Variants in PTH1R observed in about 807,000 individuals in gnomAD.
The protein encoded by PTH1R is parathyroid hormone/parathyroid hormone-related peptide receptor.
In PTH1R, 32 loss-of-function variants were observed where a neutral mutation model predicts 70.7. That is an observed-to-expected ratio of 0.45 (90% CI 0.34 to 0.61). The LOEUF (loss-of-function observed/expected upper bound fraction) is 0.61. Ranked by LOEUF, PTH1R falls within the 20% of genes least tolerant of loss-of-function variation. PTH1R has a pLI of 0.01. For synonymous variants in PTH1R, 329 were observed against 324.8 expected, an observed-to-expected ratio of 1.01 and a Z score of -0.14; for missense variants, 626 against 792.5, an observed-to-expected ratio of 0.79 and a Z score of 2.52.
chr3:46,898,562 C>A lies in PTH1R; in HGVS notation c.638+90C>A. ...GCGACCCCCTCCCTGCACCCATCACCCCCGGCGGGTGTCCCTACCTACGGC... is the reference window on the plus strand; with the variant it reads ...GCGACCCCCTCCCTGCACCCATCACACCCGGCGGGTGTCCCTACCTACGGC... On this transcript the variant is annotated intron_variant, in intron 8 of 15. Coordinates refer to ENST00000449590, the MANE Select transcript of PTH1R (RefSeq NM_000316.3). The A allele has an allele frequency of 2.5e-6, 4 of 1,598,418 alleles. No homozygotes were observed. In the Admixed American group the frequency reaches 5.1e-5, roughly 20 times the overall value.
Position 46,901,235 on chromosome 3 carries a change from G to A in PTH1R, c.1049+150G>A. On this transcript the variant is annotated intron_variant, in intron 11 of 15. Transcript: ENST00000449590. The surrounding 1 kb of genome is among the most constrained non-coding windows in gnomAD (Gnocchi z 7.3). ...CAGCCTCAAGCCAGGAGCACCCTCA[G>A]GGTCACAGGAGGCTACTTCCAAAGA... 1 of 1,298,812 alleles carries A rather than the reference G, an allele frequency of 7.7e-7. No individual in the cohort carries two copies. Among genetic ancestry groups the A allele is most frequent in the Non-Finnish European group, 1.1e-6 (1 of 923,492 alleles). The allele number at this position is 1,298,812 out of a possible 1,614,324, so 80.5% of individuals were successfully genotyped here.
At position 46,902,103 on chromosome 3, in the gene PTH1R, G is replaced by A. The variant is rs577069759; in HGVS notation, c.1211+243G>A. Among the ~76,000 whole-genome samples the A allele has an allele frequency of 6.6e-5, 10 of 152,348 alleles. No homozygotes were observed. Among genetic ancestry groups the A allele is most frequent in the Non-Finnish European group, 8.8e-5 (6 of 68,034 alleles). On this transcript the variant is annotated intron_variant, in intron 13 of 15. Coordinates refer to ENST00000449590, the MANE Select transcript of PTH1R (RefSeq NM_000316.3). This position sits in a 1 kb window ranked among gnomAD's most constrained non-coding sequence, Gnocchi z 5.4. ...TGCACTAGAGCTGGAGTCTGTGAGT[G>A]TGCAACGAACTTGAACCTCTCCTCA...
Position 46,895,395 on chromosome 3 carries a change from C to T in PTH1R, c.179-340C>T, listed in dbSNP as rs141620636. 2.6e-5 allele frequency among the ~76,000 whole-genome samples: 4 copies of T among 152,300 alleles called. No homozygotes were observed. In the East Asian group the frequency reaches 7.7e-4, roughly 29 times the overall value. Reference sequence around the variant, plus strand: ...CCCCCTGGTGGGGCCTTCACTGCTGCGTGGCCTTGGCCCCCACCCACTCCT... The same window carrying T: ...CCCCCTGGTGGGGCCTTCACTGCTGTGTGGCCTTGGCCCCCACCCACTCCT... On this transcript the variant is annotated intron_variant, in intron 4 of 15. Coordinates refer to ENST00000449590, the MANE Select transcript of PTH1R (RefSeq NM_000316.3).
chr3:46,903,298 G>T lies in PTH1R; in HGVS notation c.1424G>T (p.Ser475Ile). Residue 475 changes from serine (S) to isoleucine (I), a missense_variant, in exon 16 of 16, where the codon AGC becomes ATC. By Grantham distance (142) the Ser-to-Ile change is moderately radical. This residue lies in a region of PTH1R where 495 missense variants were observed against 638.7 expected (regional missense o/e 0.77). Transcript: ENST00000449590. The surrounding 1 kb of genome is among the most constrained non-coding windows in gnomAD (Gnocchi z 4.4). ...CAAGCTGAGATCAAGAAATCTTGGA[G>T]CCGCTGGACACTGGCACTGGACTTC... ...EVQAEIKKSW[S>I]RWTLALDFKR... is the part of the protein sequence containing the mutation. 1 of 1,613,250 alleles carries T rather than the reference G, an allele frequency of 6.2e-7. No individual in the cohort carries two copies.
Position 46,881,067 on chromosome 3 carries a change from G to A in PTH1R, c.-100G>A, listed in dbSNP as rs2030526589. 1.3e-5 allele frequency: 2 copies of A among 152,434 alleles called. No homozygotes were observed. Among genetic ancestry groups the A allele is most frequent in the Non-Finnish European group, 2.9e-5 (2 of 68,186 alleles). 9.4% of individuals were successfully genotyped at this position (152,434 alleles called of 1,614,324 possible). A position where few individuals can be genotyped will look rare whatever the true frequency, so the allele number is the denominator to read the frequency against. ...CCAACCTCTCCATTTTGCAGATGAG[G>A]AAACTGAGGTCCAGACAGCCGAAGA... On this transcript the variant is annotated 5_prime_UTR_variant, in exon 2 of 16. Coordinates refer to ENST00000449590, the MANE Select transcript of PTH1R (RefSeq NM_000316.3).
chr3:46,901,459 G>A lies in PTH1R; in HGVS notation c.1095G>A (p.Val365=). Residue 365 remains valine (V), a synonymous_variant, in exon 12 of 16, where the codon GTG becomes GTA. Transcript: ENST00000449590. The surrounding 1 kb of genome is among the most constrained non-coding windows in gnomAD (Gnocchi z 7.3). ...GGAACAAAAAGTGGATCATCCAGGT[G>A]CCCATCCTGGCCTCCATTGTGGTGA... ...SSGNKKWIIQ[V]PILASIVLNF... The A allele has an allele frequency of 6.4e-7, 1 of 1,574,498 alleles. No homozygotes were observed. Among genetic ancestry groups the A allele is most frequent in the African/African-American group, 1.3e-5 (1 of 74,212 alleles).
At position 46,902,544 on chromosome 3, in the gene PTH1R, G is replaced by A. The variant is rs202144354; in HGVS notation, c.1230G>A (p.Thr410=). 181 of 1,612,260 alleles carry A rather than the reference G, an allele frequency of 1.1e-4. 1 individual carries two copies. Among genetic ancestry groups the A allele is most frequent in the South Asian group, 6.6e-5 (6 of 90,846 alleles). Residue 410 remains threonine, a synonymous_variant, in exon 14 of 16, where the codon ACG becomes ACA. Coordinates refer to ENST00000449590, the MANE Select transcript of PTH1R (RefSeq NM_000316.3). The surrounding 1 kb of genome is among the most constrained non-coding windows in gnomAD (Gnocchi z 5.4). The part of the protein sequence containing the change: ...RQQYRKLLKS[T]LVLMPLFGVH... ...GGCCCAGGAAGCTGCTCAAATCCAC[G>A]CTGGTGCTCATGCCCCTCTTTGGCG...
Position 46,902,279 on chromosome 3 carries a change from G to A in PTH1R, c.1212-247G>A, listed in dbSNP as rs1451177211. On this transcript the variant is annotated intron_variant, in intron 13 of 15. Coordinates refer to ENST00000449590, the MANE Select transcript of PTH1R (RefSeq NM_000316.3). The surrounding 1 kb of genome is among the most constrained non-coding windows in gnomAD (Gnocchi z 5.4). Reference sequence around the variant, plus strand: ...TGCCAGCTGAGGGCTCCACAGGTGCGAAGGGCCCAGGGACAGGGGGACTGT... The same window carrying A: ...TGCCAGCTGAGGGCTCCACAGGTGCAAAGGGCCCAGGGACAGGGGGACTGT... Among the ~76,000 whole-genome samples the A allele has an allele frequency of 1.3e-5, 2 of 152,158 alleles. No homozygotes were observed. The highest frequency in any genetic ancestry group is 2.1e-4 in the South Asian group (1 of 4,830).
In PTH1R at chr3:46,898,461, G is replaced by A; in HGVS notation, c.627G>A (p.Leu209=). The A allele has an allele frequency of 6.2e-7, 1 of 1,613,984 alleles. No homozygotes were observed. Among genetic ancestry groups the A allele is most frequent in the Non-Finnish European group, 8.5e-7 (1 of 1,179,986 alleles). Residue 209 remains leucine (L), a synonymous_variant, in exon 8 of 16, where the codon CTG becomes CTA. Transcript: ENST00000449590. ...LASLTVAVLI[L]AYFRRLHCTR... ...CCCTCACCGTAGCTGTGCTCATCCT[G>A]GCCTACTTTAGGTGGGCGGGGCGGG...
rs1249788928 is a variant in PTH1R at position 46,902,260 on chromosome 3, C to T, written c.1212-266C>T. 6.6e-6 allele frequency among the ~76,000 whole-genome samples: 1 copy of T among 152,158 alleles called. No homozygotes were observed. The highest frequency in any genetic ancestry group is 1.5e-5 in the Non-Finnish European group (1 of 68,018). On this transcript the variant is annotated intron_variant, in intron 13 of 15. Transcript: ENST00000449590. The surrounding 1 kb of genome is among the most constrained non-coding windows in gnomAD (Gnocchi z 5.4). ...GACCGTGGAGGGGAGTGCTTGCCAG[C>T]TGAGGGCTCCACAGGTGCGAAGGGC... is the stretch of plus-strand genomic sequence containing the variant.
At position 46,882,345 on chromosome 3, in the gene PTH1R, G is replaced by C. The variant is rs2030652623; in HGVS notation, c.-48-1167G>C. The C allele has an allele frequency of 6.6e-6, 1 of 152,078 alleles. No individual in the cohort carries two copies. The highest frequency in any genetic ancestry group is 1.5e-5 in the Non-Finnish European group (1 of 67,994). The allele number at this position is 152,078 out of a possible 1,614,324, so 9.4% of individuals were successfully genotyped here. A position where few individuals can be genotyped will look rare whatever the true frequency, so the allele number is the denominator to read the frequency against. ...GCTGGAGGCCAGGCCGGCCAGCGGG[G>C]GGTATCCCGAGAGCTCCATGAAGTC... On this transcript the variant is annotated intron_variant, in intron 2 of 15. Transcript: ENST00000449590. The surrounding 1 kb of genome is among the most constrained non-coding windows in gnomAD (Gnocchi z 4.3).
chr3:46,899,208 C>A (rs1049679584), intron 9 of PTH1R, 95 bp from the exon 10 acceptor site: 2 of 1,550,586 alleles, frequency 1.3e-6, no homozygotes, highest in African/African-American at 1.4e-5. Context: ...TTGGCCGGCA[C>A]CACTTGTCCT....
chr3:46,897,418 C>A (rs1257940673), intron 5 of PTH1R, among the ~76,000 whole-genome samples: 1 of 152,200 alleles, frequency 6.6e-6, no homozygotes, highest in Non-Finnish European at 1.5e-5. Flanking sequence ...TTGGGGCACA[C>A]CTGTCCCTGC....
At chr3:46,895,056 C>A (rs1253753720) in intron 4 of PTH1R, among the ~76,000 whole-genome samples, 1 of 128,474 alleles carries the variant, frequency 7.8e-6, no homozygotes, top group Non-Finnish European at 1.6e-5. Context: ...AGAGGGAGAC[C>A]TTGTCTCAAA....
chr3:46,895,529 T>G (rs935060962), intron 4 of PTH1R, among the ~76,000 whole-genome samples: 11 of 152,028 alleles, frequency 7.2e-5, no homozygotes, highest in Middle Eastern at 6.8e-3. Context: ...AATCTCCACC[T>G]CCTCTTATTA....
Position 46,901,116 on chromosome 3 carries a change from A to G in PTH1R, c.1049+31A>G. 4.5e-6 allele frequency: 7 copies of G among 1,560,418 alleles called. No homozygotes were observed. The highest frequency in any genetic ancestry group is 6.1e-6 in the Non-Finnish European group (7 of 1,150,692). On this transcript the variant is annotated intron_variant, in intron 11 of 15. Coordinates refer to ENST00000449590, the MANE Select transcript of PTH1R (RefSeq NM_000316.3). The surrounding 1 kb of genome is among the most constrained non-coding windows in gnomAD (Gnocchi z 7.3). ...TCCAGGTGGAGAAGGGGCCCAGGCAAGAAGCACCCCTGGGTCCCTTTTCTT... is the reference window on the plus strand; with the variant it reads ...TCCAGGTGGAGAAGGGGCCCAGGCAGGAAGCACCCCTGGGTCCCTTTTCTT...
Position 46,903,771 on chromosome 3 carries a change from A to G in PTH1R, c.*115A>G. The G allele has an allele frequency of 1.3e-6, 2 of 1,511,046 alleles. No individual in the cohort carries two copies. The highest frequency in any genetic ancestry group is 1.8e-6 in the Non-Finnish European group (2 of 1,126,568). The allele number at this position is 1,511,046 out of a possible 1,614,324, so 93.6% of individuals were successfully genotyped here. ...GGCCAAGAGGAAAAACAGGGAAAAA[A>G]AGAAAAAAAAAAGAAAAAGGAAAAG... is the stretch of plus-strand genomic sequence containing the variant. On this transcript the variant is annotated 3_prime_UTR_variant, in exon 16 of 16. Transcript: ENST00000449590. This position sits in a 1 kb window ranked among gnomAD's most constrained non-coding sequence, Gnocchi z 4.4.
chr3:46,885,963 C>T (rs1322562590), intron 3 of PTH1R, among the ~76,000 whole-genome samples: 1 of 152,226 alleles, frequency 6.6e-6, no homozygotes, highest in Non-Finnish European at 1.5e-5. Context: ...CCAGTGACCT[C>T]ACATTTGGGG....
rs368915865 is a variant in PTH1R at position 46,898,443 on chromosome 3, C to A, written c.609C>A (p.Thr203=). Reference sequence around the variant, plus strand: ...ACTCCGTGTCCCTGGCGTCCCTCACCGTAGCTGTGCTCATCCTGGCCTACT... The same window carrying A: ...ACTCCGTGTCCCTGGCGTCCCTCACAGTAGCTGTGCTCATCCTGGCCTACT... ...VGYSVSLASL[T]VAVLILAYFR... is the part of the protein sequence containing the mutation. Residue 203 remains threonine, a synonymous_variant, in exon 8 of 16, where the codon ACC becomes ACA. Transcript: ENST00000449590. 4 of 1,613,880 alleles carry A rather than the reference C, an allele frequency of 2.5e-6. No individual in the cohort carries two copies. Among genetic ancestry groups the A allele is most frequent in the Non-Finnish European group, 3.4e-6 (4 of 1,179,992 alleles).
Sources: gnomAD v4.1 joint callset for allele counts (sites outside exome capture counted in the v4.1 genomes callset) on GRCh38, gnomAD v4.1.1 for gene constraint, gnomAD v4.1.1 regional missense constraint, Gnocchi (gnomAD v3.1) non-coding constraint, MANE v1.5 for transcripts, NCBI Gene and HGNC (gene_info 2026-07-23, HGNC 2026-07-21) for gene names.